The following HIP1 variants were observed in gnomAD, a reference collection of about 807,000 sequenced individuals.
The protein encoded by HIP1 is huntingtin-interacting protein 1.
A neutral mutation model predicts 147.6 loss-of-function variants in HIP1; 65 were observed. The observed-to-expected ratio is 0.44, with a 90% CI of 0.36 to 0.54. The LOEUF (loss-of-function observed/expected upper bound fraction) is 0.54, where lower values mean the gene tolerates loss of function less well. HIP1 is among the 20% of genes least tolerant of loss of function. HIP1 has a pLI of 0.00. For synonymous variants in HIP1, 479 were observed against 504.0 expected (o/e 0.95, Z 0.67); for missense variants, 1,061 against 1,299.6 (o/e 0.82, Z 2.82).
intron 1 of HIP1, among the ~76,000 whole-genome samples, chr7:75,642,797 A>G (rs1252638662): frequency 6.6e-6 from 1 of 152,158 alleles, no homozygotes; most frequent in East Asian, 1.9e-4. Context: ...CCTTCCCACA[A>G]TGGACAGCCT....
At chr7:75,719,740 T>A (rs1342086396) in intron 1 of HIP1, among the ~76,000 whole-genome samples, 2 of 152,038 alleles carry the variant, frequency 1.3e-5, no homozygotes, top group Non-Finnish European at 2.9e-5. Flanking sequence ...TTTTAATGGA[T>A]CTCTACTGAA....
intron 1 of HIP1, among the ~76,000 whole-genome samples, chr7:75,665,080 T>C (rs1393768665): frequency 6.6e-6 from 1 of 151,996 alleles, no homozygotes; most frequent in African/African-American, 2.4e-5. Flanking sequence ...GTGAATATAG[T>C]GAGACCCTGT....
At chr7:75,602,723 C>A (rs757383300) in intron 1 of HIP1, among the ~76,000 whole-genome samples, 11 of 151,726 alleles carry the variant, frequency 7.2e-5, no homozygotes, top group Non-Finnish European at 1.5e-4. Flanking sequence ...CCTGACCAGA[C>A]TTGATTTTTA....
In HIP1 at chr7:75,553,609, G is replaced by A. The variant is rs782088269; in HGVS notation, c.2159-20C>T. ...TCAGTGCTGGAGATACAAGGCAATA[G>A]ACACTTTTTTTTTGAGATGGAGTCT... On this transcript the variant is annotated intron_variant, in intron 21 of 30. Coordinates refer to ENST00000336926, the MANE Select transcript of HIP1 (RefSeq NM_005338.7). 1.9e-6 allele frequency: 3 copies of A among 1,608,448 alleles called. No homozygotes were observed. The highest frequency in any genetic ancestry group is 2.2e-5 in the East Asian group (1 of 44,738).
rs1417889825 is a variant in HIP1, at chr7:75,565,673, C to T, written c.804-2410G>A. 2.0e-5 allele frequency among the ~76,000 whole-genome samples: 3 copies of T among 152,082 alleles called. No individual in the cohort carries two copies. The East Asian group carries it at 5.8e-4, about 29-fold the overall frequency. On this transcript the variant is annotated intron_variant, in intron 9 of 30. Coordinates refer to ENST00000336926, the MANE Select transcript of HIP1 (RefSeq NM_005338.7). Reference sequence around the variant, plus strand: ...GGAGGCCCTTCTCAGCCCCCTCTGTCCTCCCAACTCTCACTCTATTATCCT... The same window carrying T: ...GGAGGCCCTTCTCAGCCCCCTCTGTTCTCCCAACTCTCACTCTATTATCCT...
At chr7:75,688,426 G>T (rs1174138239) in intron 1 of HIP1, among the ~76,000 whole-genome samples, 1 of 152,094 alleles carries the variant, frequency 6.6e-6, no homozygotes, top group African/African-American at 2.4e-5. Flanking sequence ...GCGTCTGCAG[G>T]GGGTGGGGGG....
At position 75,570,258 on chromosome 7, in the gene HIP1, A is replaced by C. The variant is rs587771121; in HGVS notation, c.746-2002T>G. 4.7e-5 allele frequency among the ~76,000 whole-genome samples: 7 copies of C among 148,548 alleles called. No homozygotes were observed. The South Asian group carries it at 1.5e-3, about 32-fold the overall frequency. ...TAAGTACGAACTTTAATTAATAATA[A>C]GGTATCAACACTGGTTAATTAGTTG... On this transcript the variant is annotated intron_variant, in intron 8 of 30. Transcript: ENST00000336926.
intron 2 of HIP1, among the ~76,000 whole-genome samples, chr7:75,598,403 GAA>G (rs587640388): frequency 1.8e-4 from 23 of 124,580 alleles, no homozygotes; most frequent in African/African-American, 6.1e-4. Flanking sequence ...TCTCAAAAAA[GAA>G]AAAAAAAAAA....
At chr7:75,544,860 A>C in intron 26 of HIP1, 60 bp from the exon 27 acceptor site, 1 of 1,079,802 alleles carries the variant, frequency 9.3e-7, no homozygotes, top group Non-Finnish European at 1.4e-6. Flanking sequence ...CTCCTCCACA[A>C]TCCCACCTCC....
Position 75,612,463 on chromosome 7 carries a change from C to T in HIP1, c.121-13216G>A, listed in dbSNP as rs958823530. ...GGTGGAGGTTGCAGTGAGCCGAATT[C>T]GCGCCACTGCACTCCAGCCTGGGTG... On this transcript the variant is annotated intron_variant, in intron 1 of 30. Coordinates refer to ENST00000336926, the MANE Select transcript of HIP1 (RefSeq NM_005338.7). 3.3e-5 allele frequency among the ~76,000 whole-genome samples: 5 copies of T among 151,502 alleles called. 1 individual carries two copies. The South Asian group carries it at 6.3e-4, about 19-fold the overall frequency.
intron 1 of HIP1, among the ~76,000 whole-genome samples, chr7:75,730,541 G>A (rs1801806080): frequency 6.6e-6 from 1 of 151,328 alleles, no homozygotes; most frequent in South Asian, 2.1e-4. Flanking sequence ...GTTTCTCCAT[G>A]TTGGTCAGGC....
chr7:75,651,604 C>T (rs6960110), intron 1 of HIP1, among the ~76,000 whole-genome samples: 1 of 151,068 alleles, frequency 6.6e-6, no homozygotes, highest in African/African-American at 2.4e-5. Context: ...GCCTTCCTAT[C>T]TGTGTAGCCT....
intron 1 of HIP1, among the ~76,000 whole-genome samples, chr7:75,602,902 T>C (rs1797061299): frequency 6.6e-6 from 1 of 151,098 alleles, no homozygotes; most frequent in Admixed American, 6.6e-5. Context: ...AGGGTCATAT[T>C]ATGGAATGTA....
intron 9 of HIP1, among the ~76,000 whole-genome samples, chr7:75,563,602 A>G (rs1414868694): frequency 6.6e-6 from 1 of 152,232 alleles, no homozygotes; most frequent in African/African-American, 2.4e-5. Context: ...CATTAAAAGA[A>G]ATTGACTTTC....
intron 1 of HIP1, among the ~76,000 whole-genome samples, chr7:75,622,883 A>G (rs1797897127): frequency 1.5e-5 from 2 of 129,858 alleles, no homozygotes; most frequent in South Asian, 4.8e-4. Context: ...CTATCTATCT[A>G]TCTATCTATC....
intron 28 of HIP1, 136 bp from the exon 29 acceptor site, chr7:75,542,116 G>C (rs1794345956): frequency 1.4e-6 from 1 of 723,866 alleles, no homozygotes; most frequent in Middle Eastern, 3.7e-4. Flanking sequence ...AAGTGAGGGG[G>C]CCAGACAACG....
intron 7 of HIP1, among the ~76,000 whole-genome samples, 199 bp downstream of exon 7, chr7:75,581,038 G>C (rs587635036): frequency 6.6e-6 from 1 of 152,132 alleles, no homozygotes; most frequent in African/African-American, 2.4e-5. Flanking sequence ...CACTGCACCC[G>C]GCCGAGACCT....
At chr7:75,556,305 C>G (rs1290079385) in intron 17 of HIP1, 136 bp from the exon 18 acceptor site, 3 of 1,085,846 alleles carry the variant, frequency 2.8e-6, no homozygotes, top group Non-Finnish European at 4.0e-6. Flanking sequence ...CTGATTCCCT[C>G]CCGGGGACAC....
At chr7:75,561,439 C>T (rs184758224) in intron 12 of HIP1, 38 bp from the exon 13 acceptor site, 2 of 1,311,504 alleles carry the variant, frequency 1.5e-6, no homozygotes, top group Non-Finnish European at 2.2e-6. Flanking sequence ...TTTCATAGTG[C>T]TTCTATCCCT....
Sources: gnomAD v4.1 joint callset for allele counts (sites outside exome capture counted in the v4.1 genomes callset) on GRCh38, gnomAD v4.1.1 for gene constraint, MANE v1.5 for transcripts, NCBI Gene and HGNC (gene_info 2026-07-23, HGNC 2026-07-21) for gene names.